Variants in FBXL7 observed in about 807,000 individuals in gnomAD.
FBXL7 encodes F-box/LRR-repeat protein 7.
A neutral mutation model predicts 38.3 loss-of-function variants in FBXL7; 12 were observed. The observed-to-expected ratio is 0.31, with a 90% CI of 0.20 to 0.51. The LOEUF (loss-of-function observed/expected upper bound fraction) is 0.51. FBXL7 is among the 20% of genes least tolerant of loss of function. The pLI is 0.98. For synonymous variants in FBXL7, 297 were observed against 300.9 expected, an observed-to-expected ratio of 0.99 and a Z score of 0.13; for missense variants, 567 against 676.4, an observed-to-expected ratio of 0.84 and a Z score of 1.79.
intron 2 of FBXL7, among the ~76,000 whole-genome samples, chr5:15,625,383 G>A (rs183080710): frequency 5.4e-4 from 82 of 152,244 alleles, no homozygotes; most frequent in African/African-American, 1.9e-3. Flanking sequence ...GCTGGGCACG[G>A]TGGGTCACAC....
chr5:15,530,722 CA>C (rs1261916689), intron 1 of FBXL7, among the ~76,000 whole-genome samples: 1 of 152,176 alleles, frequency 6.6e-6, no homozygotes, highest in Admixed American at 6.5e-5. Flanking sequence ...TGACCTCTTC[CA>C]GTGGACTTGC....
At chr5:15,523,754 G>C (rs577505457) in intron 1 of FBXL7, among the ~76,000 whole-genome samples, 3 of 152,258 alleles carry the variant, frequency 2.0e-5, no homozygotes, top group African/African-American at 7.2e-5. Context: ...CTTGCTTATA[G>C]GTTGACAGTG....
At chr5:15,801,634 A>AGTGTGTGTGTGTGTGTGTGTGT in intron 2 of FBXL7, among the ~76,000 whole-genome samples, 1 of 147,788 alleles carries the variant, frequency 6.8e-6, no homozygotes, top group South Asian at 2.2e-4. Flanking sequence ...AGGGGGAGTC[A>AGTGTGTGTGTGTGTGTGTGTGT]GTGTGTGTGT....
Position 15,500,551 on chromosome 5 carries a change from C to A in FBXL7, c.-126C>A. On this transcript the variant is annotated 5_prime_UTR_variant, in exon 1 of 4. Transcript: ENST00000504595. ...GGGACCTCTCCAGGCCGGAGGTCGG[C>A]CCCGGAGCTTGGGGGGGATGTGCAG... 2 of 1,356,802 alleles carry A rather than the reference C, an allele frequency of 1.5e-6. No individual in the cohort carries two copies. Among genetic ancestry groups the A allele is most frequent in the Non-Finnish European group, 2.1e-6 (2 of 946,494 alleles). The allele number at this position is 1,356,802 out of a possible 1,614,324, so 84.0% of individuals were successfully genotyped here.
chr5:15,581,866 A>C (rs2126468391), intron 1 of FBXL7, among the ~76,000 whole-genome samples: 1 of 152,296 alleles, frequency 6.6e-6, no homozygotes, highest in East Asian at 1.9e-4. Context: ...GCTCCCTCCC[A>C]GAAGTCCAGA....
intron 2 of FBXL7, among the ~76,000 whole-genome samples, chr5:15,711,710 G>A (rs985918855): frequency 2.6e-5 from 4 of 152,100 alleles, no homozygotes; most frequent in African/African-American, 4.8e-5. Context: ...CCTGAATACC[G>A]TAAACCCTAT....
intron 2 of FBXL7, among the ~76,000 whole-genome samples, chr5:15,640,715 G>A (rs571224109): frequency 1.3e-5 from 2 of 152,178 alleles, no homozygotes; most frequent in East Asian, 3.9e-4. Flanking sequence ...ATAGAGATGG[G>A]ATTTCACCCT....
At chr5:15,745,872 T>C (rs1366509665) in intron 2 of FBXL7, among the ~76,000 whole-genome samples, 2 of 152,164 alleles carry the variant, frequency 1.3e-5, no homozygotes, top group Non-Finnish European at 2.9e-5. Flanking sequence ...CTTGATCAGG[T>C]TTCTACTTTT....
At chr5:15,875,243 A>G (rs1740150851) in intron 2 of FBXL7, among the ~76,000 whole-genome samples, 1 of 152,206 alleles carries the variant, frequency 6.6e-6, no homozygotes, top group Admixed American at 6.5e-5. Flanking sequence ...CCTTCCTTAC[A>G]TCTTACGCAA....
chr5:15,575,973 A>G (rs1738948615), intron 1 of FBXL7, among the ~76,000 whole-genome samples: 1 of 151,646 alleles, frequency 6.6e-6, no homozygotes, highest in African/African-American at 2.4e-5. Context: ...TTTAGTCTGC[A>G]CTGTGTTTTT....
chr5:15,782,851 T>C (rs1737034640), intron 2 of FBXL7, among the ~76,000 whole-genome samples: 1 of 152,004 alleles, frequency 6.6e-6, no homozygotes, highest in Admixed American at 6.6e-5. Flanking sequence ...TGGGAGATGT[T>C]TGAGGAGAAA....
At chr5:15,764,536 TGAG>T (rs1736533827) in intron 2 of FBXL7, among the ~76,000 whole-genome samples, 1 of 152,148 alleles carries the variant, frequency 6.6e-6, no homozygotes, top group Non-Finnish European at 1.5e-5. Flanking sequence ...GTGCCCGTGA[TGAG>T]GAGGGATAGG....
intron 2 of FBXL7, among the ~76,000 whole-genome samples, chr5:15,804,985 C>A (rs1187201179): frequency 7.3e-6 from 1 of 137,024 alleles, no homozygotes. Flanking sequence ...AAGATGTCAG[C>A]AGGGCTGGCC....
At chr5:15,753,301 G>A (rs1265815507) in intron 2 of FBXL7, among the ~76,000 whole-genome samples, 1 of 152,118 alleles carries the variant, frequency 6.6e-6, no homozygotes, top group African/African-American at 2.4e-5. Flanking sequence ...TGAATAATCA[G>A]CTATCCAAAT....
chr5:15,918,801 G>A (rs1041687880), intron 2 of FBXL7, among the ~76,000 whole-genome samples: 4 of 152,196 alleles, frequency 2.6e-5, no homozygotes, highest in African/African-American at 9.7e-5. Context: ...CTCTGCCATC[G>A]TCTGATCCTG....
At chr5:15,599,843 A>G (rs184148258) in intron 1 of FBXL7, among the ~76,000 whole-genome samples, 1 of 152,186 alleles carries the variant, frequency 6.6e-6, no homozygotes, top group East Asian at 1.9e-4. Context: ...TGGAAAGGAG[A>G]GCTTTATTTC....
intron 2 of FBXL7, among the ~76,000 whole-genome samples, chr5:15,894,140 G>C (rs970363544): frequency 1.3e-5 from 2 of 152,326 alleles, no homozygotes; most frequent in African/African-American, 4.8e-5. Context: ...CAGGCATGGT[G>C]GCACACCTGT....
chr5:15,804,818 G>A (rs1737661846), intron 2 of FBXL7, among the ~76,000 whole-genome samples: 1 of 152,154 alleles, frequency 6.6e-6, no homozygotes, highest in Admixed American at 6.5e-5. Flanking sequence ...AGGTGGAACT[G>A]TTTCATCCCC....
intron 2 of FBXL7, among the ~76,000 whole-genome samples, chr5:15,912,627 T>A (rs1275233801): frequency 6.6e-6 from 1 of 152,096 alleles, no homozygotes; most frequent in African/African-American, 2.4e-5. Flanking sequence ...CAAAACATTA[T>A]TATTAACTTT....
Sources: gnomAD v4.1 joint callset for allele counts (sites outside exome capture counted in the v4.1 genomes callset) on GRCh38, gnomAD v4.1.1 for gene constraint, MANE v1.5 for transcripts, NCBI Gene and HGNC (gene_info 2026-07-23, HGNC 2026-07-21) for gene names.